Variants in UBE2E3 observed in about 807,000 individuals in gnomAD.
UBE2E3 encodes ubiquitin conjugating enzyme E2 E3, also known as ubiquitin-conjugating enzyme E2 E3.
Under a neutral mutation model 23.6 loss-of-function variants are expected in UBE2E3, and 5 were observed. The ratio of observed to expected loss-of-function variants is 0.21; its 90% CI spans 0.11 to 0.44. The LOEUF (loss-of-function observed/expected upper bound fraction) is 0.44, where lower values mean the gene tolerates loss of function less well. UBE2E3 is among the 20% of genes least tolerant of loss of function. The pLI, the probability that UBE2E3 is intolerant of heterozygous loss-of-function variation, is 0.99. For missense variants in UBE2E3, 81 were observed against 249.8 expected (o/e 0.32, Z 4.55); for synonymous variants, 78 against 87.5 (o/e 0.89, Z 0.60).
intron 4 of UBE2E3, among the ~76,000 whole-genome samples, chr2:181,058,278 A>G (rs1687040980): frequency 6.6e-6 from 1 of 151,780 alleles, no homozygotes; most frequent in East Asian, 1.9e-4. Context: ...ATAGCCAAGA[A>G]GAGGGAAACT....
At chr2:181,004,423 A>C (rs538755384) in intron 3 of UBE2E3, among the ~76,000 whole-genome samples, 1 of 152,242 alleles carries the variant, frequency 6.6e-6, no homozygotes, top group Non-Finnish European at 1.5e-5. Flanking sequence ...TCACGAGGTC[A>C]AGAGATCGGG....
At chr2:181,003,149 A>AT (rs1319322457) in intron 3 of UBE2E3, among the ~76,000 whole-genome samples, 1 of 152,220 alleles carries the variant, frequency 6.6e-6, no homozygotes, top group Non-Finnish European at 1.5e-5. Flanking sequence ...ATGTGCCTTA[A>AT]TTAGTATTCC....
At chr2:181,023,085 C>T (rs111500695) in intron 3 of UBE2E3, among the ~76,000 whole-genome samples, 74 of 152,286 alleles carry the variant, frequency 4.9e-4, no homozygotes, top group African/African-American at 1.7e-3. Flanking sequence ...AAACCATAAC[C>T]CCGACATGAG....
chr2:181,021,300 T>A (rs1409271397), intron 3 of UBE2E3, among the ~76,000 whole-genome samples: 3 of 152,062 alleles, frequency 2.0e-5, no homozygotes, highest in Admixed American at 6.5e-5. Context: ...TTTATCCGAG[T>A]GTTAAAAATT....
intron 3 of UBE2E3, among the ~76,000 whole-genome samples, chr2:181,053,924 CAT>C (rs2105476252): frequency 6.6e-6 from 1 of 151,960 alleles, no homozygotes; most frequent in East Asian, 1.9e-4. Flanking sequence ...TCCAGAATGT[CAT>C]ATAGATGGAG....
chr2:180,989,857 A>G (rs1574157905), intron 3 of UBE2E3: 2 of 1,535,906 alleles, frequency 1.3e-6, no homozygotes, highest in Non-Finnish European at 8.8e-7. Flanking sequence ...TGCTGTAACA[A>G]CAGATGGATA....
chr2:180,982,038 C>G lies in UBE2E3; in HGVS notation c.-5C>G, dbSNP rs1183732650. On this transcript the variant is annotated 5_prime_UTR_variant, in exon 2 of 6. Transcript: ENST00000410062. ...AAAAGTTTTCCAAGAGATAACTTCACCAAGATGTCCAGTGATAGGCAAAGG... is the reference window on the plus strand; with the variant it reads ...AAAAGTTTTCCAAGAGATAACTTCAGCAAGATGTCCAGTGATAGGCAAAGG... The G allele has an allele frequency of 4.4e-6, 7 of 1,599,262 alleles. No homozygotes were observed. The highest frequency in any genetic ancestry group is 6.0e-6 in the Non-Finnish European group (7 of 1,175,270).
At chr2:180,997,561 C>G (rs555900219) in intron 3 of UBE2E3, among the ~76,000 whole-genome samples, 2 of 152,222 alleles carry the variant, frequency 1.3e-5, no homozygotes, top group South Asian at 4.1e-4. Context: ...CCCCTAGGCT[C>G]TCATGCCACA....
intron 3 of UBE2E3, among the ~76,000 whole-genome samples, chr2:181,032,251 G>C (rs972126360): frequency 1.3e-5 from 2 of 152,160 alleles, no homozygotes; most frequent in African/African-American, 4.8e-5. Flanking sequence ...AAGTAAAATA[G>C]AATATGGTCT....
rs545274096 is a variant in UBE2E3 at position 181,010,576 on chromosome 2, C to T, written c.245+26483C>T. Among the ~76,000 whole-genome samples, 546 of 152,248 alleles carry T rather than the reference C, an allele frequency of 3.6e-3. 6 individuals carry two copies. Among genetic ancestry groups the T allele is most frequent in the Admixed American group, 5.4e-3 (82 of 15,284 alleles). ...TGTTCTCTAATGTAAGAAAGATGAT[C>T]TGAGTTTCACAGGTAGATATAAAAG... On this transcript the variant is annotated intron_variant, in intron 3 of 5. Coordinates refer to ENST00000410062, the MANE Select transcript of UBE2E3 (RefSeq NM_006357.4).
At chr2:181,010,359 GATT>G (rs1284283786) in intron 3 of UBE2E3, among the ~76,000 whole-genome samples, 1 of 152,064 alleles carries the variant, frequency 6.6e-6, no homozygotes, top group African/African-American at 2.4e-5. Context: ...TTTTGGGAAG[GATT>G]ATTTTTTTGA....
At chr2:181,020,909 A>G (rs1685650343) in intron 3 of UBE2E3, among the ~76,000 whole-genome samples, 1 of 149,114 alleles carries the variant, frequency 6.7e-6, no homozygotes. Context: ...AAGTTTTTAG[A>G]GTTAGGGAAT....
rs1687050124 is a variant in UBE2E3 at position 181,058,657 on chromosome 2, CT to C, written c.378+836del. ...ATGTTTTTCTTTTCCAACATGGTGA[CT>C]TTTGTTCTCTGTACTTTTAAAAATT... On this transcript the variant is annotated intron_variant, in intron 4 of 5. Transcript: ENST00000410062. Among the ~76,000 whole-genome samples the C allele has an allele frequency of 2.6e-5, 4 of 151,690 alleles. 1 individual carries two copies. Among genetic ancestry groups the C allele is most frequent in the Admixed American group, 2.6e-4 (4 of 15,198 alleles).
chr2:181,049,770 T>C (rs745742681), intron 3 of UBE2E3, among the ~76,000 whole-genome samples: 4 of 152,024 alleles, frequency 2.6e-5, no homozygotes, highest in Non-Finnish European at 5.9e-5. Context: ...GAAATAGTTA[T>C]TAATTCTTCA....
At chr2:181,033,223 A>T (rs554653588) in intron 3 of UBE2E3, among the ~76,000 whole-genome samples, 3 of 152,202 alleles carry the variant, frequency 2.0e-5, no homozygotes, top group Non-Finnish European at 2.9e-5. Flanking sequence ...CATTGCCAAG[A>T]CAATCCTAAG....
At chr2:181,019,467 G>A (rs1397170517) in intron 3 of UBE2E3, among the ~76,000 whole-genome samples, 2 of 152,038 alleles carry the variant, frequency 1.3e-5, no homozygotes, top group African/African-American at 2.4e-5. Context: ...TTAACTTGGC[G>A]GTTGTTTCAT....
intron 3 of UBE2E3, among the ~76,000 whole-genome samples, chr2:181,007,008 C>T (rs1210341747): frequency 6.6e-6 from 1 of 152,184 alleles, no homozygotes; most frequent in Non-Finnish European, 1.5e-5. Flanking sequence ...AATAATTTAG[C>T]TTGAGGCATC....
intron 3 of UBE2E3, among the ~76,000 whole-genome samples, chr2:181,015,712 T>A (rs1685465365): frequency 6.6e-6 from 1 of 152,118 alleles, no homozygotes; most frequent in Admixed American, 6.5e-5. Context: ...AAAAAATAAA[T>A]ACCACAAATT....
intron 3 of UBE2E3, among the ~76,000 whole-genome samples, chr2:181,053,346 T>C (rs774986528): frequency 6.6e-6 from 1 of 151,880 alleles, no homozygotes; most frequent in Non-Finnish European, 1.5e-5. Context: ...TGGACCAGGA[T>C]TTAAACCACC....
Sources: allele counts gnomAD v4.1 joint callset (sites outside exome capture counted in the v4.1 genomes callset), GRCh38; gene constraint gnomAD v4.1.1; transcripts MANE v1.5; gene names NCBI Gene and HGNC (gene_info 2026-07-23, HGNC 2026-07-21).